GPC3: variants seen among roughly 807,000 people sequenced by gnomAD.
GPC3 encodes glypican 3.
In GPC3, 3 loss-of-function variants were observed where a neutral mutation model predicts 34.4. That is an observed-to-expected ratio of 0.09 (90% CI 0.04 to 0.23). GPC3 has a LOEUF of 0.23. Ranked by LOEUF, GPC3 falls within the 10% of genes least tolerant of loss-of-function variation. GPC3 has a pLI of 1.00. For synonymous variants in GPC3, 177 were observed against 174.0 expected, an observed-to-expected ratio of 1.02 and a Z score of -0.13; for missense variants, 351 against 445.6, an observed-to-expected ratio of 0.79 and a Z score of 1.91.
chrX:133,660,052 A>G (rs1300854328), intron 6 of GPC3, among the ~76,000 whole-genome samples: 5 of 111,982 alleles, frequency 4.5e-5, no homozygotes, highest in African/African-American at 1.6e-4. Flanking sequence ...TGCCATTACC[A>G]TGTGCTCAGC....
At chrX:133,558,912 T>C (rs957364858) in intron 7 of GPC3, among the ~76,000 whole-genome samples, 5 of 105,665 alleles carry the variant, frequency 4.7e-5, no homozygotes, top group Non-Finnish European at 9.7e-5. Flanking sequence ...AGTAAATAAA[T>C]AAATAAATAA....
chrX:133,599,361 G>A (rs2069954858), intron 6 of GPC3, among the ~76,000 whole-genome samples: 1 of 112,148 alleles, frequency 8.9e-6, no homozygotes, highest in Non-Finnish European at 1.9e-5. Context: ...GTACACACCA[G>A]TGATGAATAC....
At chrX:133,980,142 G>A (rs2076532432) in intron 1 of GPC3, among the ~76,000 whole-genome samples, 1 of 112,072 alleles carries the variant, frequency 8.9e-6, no homozygotes, top group Non-Finnish European at 1.9e-5. Context: ...ATTGTTGATC[G>A]TTAATGATAC....
At chrX:133,876,253 C>T (rs2076016802) in intron 2 of GPC3, among the ~76,000 whole-genome samples, 1 of 111,999 alleles carries the variant, frequency 8.9e-6, no homozygotes, top group Non-Finnish European at 1.9e-5. Context: ...ATAACAATGG[C>T]ATTGGCCTAA....
chrX:133,923,735 C>T (rs2076262854), intron 2 of GPC3, among the ~76,000 whole-genome samples: 1 of 112,430 alleles, frequency 8.9e-6, no homozygotes. Flanking sequence ...TGGCCCAGGC[C>T]TACTGTTTAT....
At position 133,823,128 on chromosome X, in the gene GPC3, C is replaced by CAAAAAAAAAAAA. The variant is rs34231185; in HGVS notation, c.338-68964_338-68953dup. On this transcript the variant is annotated intron_variant, in intron 2 of 7. Coordinates refer to ENST00000370818, the MANE Select transcript of GPC3 (RefSeq NM_004484.4). ...TGGGTGACAGAGCAAGACTCCGTCTCAAAAAAAAAAAAAAAAAAAAAAAAA... is the reference window on the plus strand; with the variant it reads ...TGGGTGACAGAGCAAGACTCCGTCTCAAAAAAAAAAAAAAAAAAAAAAAAAAAAAAAAAAAAA... 2.6e-4 allele frequency among the ~76,000 whole-genome samples: 5 copies of CAAAAAAAAAAAA among 18,869 alleles called. 1 individual carries two copies. The highest frequency in any genetic ancestry group is 1.1e-3 in the African/African-American group (5 of 4,643). 16.4% of individuals were successfully genotyped at this position (18,869 alleles called of 115,157 possible).
At chrX:133,710,687 G>A (rs967841360) in intron 3 of GPC3, among the ~76,000 whole-genome samples, 1 of 112,179 alleles carries the variant, frequency 8.9e-6, no homozygotes, top group Non-Finnish European at 1.9e-5. Flanking sequence ...TAGGTGGTAC[G>A]TGACTTTGGC....
chrX:133,908,741 A>T (rs183412252), intron 2 of GPC3, among the ~76,000 whole-genome samples: 48 of 111,519 alleles, frequency 4.3e-4, no homozygotes, highest in Middle Eastern at 4.6e-3. Flanking sequence ...TTAAAAAAAA[A>T]AATAAGCTAC....
intron 1 of GPC3, among the ~76,000 whole-genome samples, chrX:133,957,859 A>T (rs957660471): frequency 4.5e-5 from 5 of 110,663 alleles, no homozygotes; most frequent in Non-Finnish European, 7.6e-5. Context: ...TTTTTTTTGT[A>T]AAAATGGAAT....
chrX:133,601,922 T>G (rs2069986251), intron 6 of GPC3, among the ~76,000 whole-genome samples: 1 of 112,066 alleles, frequency 8.9e-6, no homozygotes, highest in South Asian at 3.7e-4. Context: ...TGGGTAGTTA[T>G]TCAAAGGAAA....
intron 2 of GPC3, among the ~76,000 whole-genome samples, chrX:133,833,382 T>C (rs182771479): frequency 8.9e-6 from 1 of 111,925 alleles, no homozygotes; most frequent in Admixed American, 9.5e-5. Flanking sequence ...AATTTGATAA[T>C]TGAACAGCAG....
intron 7 of GPC3, among the ~76,000 whole-genome samples, chrX:133,575,453 AC>A (rs1295526711): frequency 8.9e-6 from 1 of 112,048 alleles, no homozygotes; most frequent in Non-Finnish European, 1.9e-5. Context: ...TCTCTAACAT[AC>A]CAAAGACCTA....
At chrX:133,945,762 A>AAAAAG (rs1201165000) in intron 2 of GPC3, among the ~76,000 whole-genome samples, 5 of 110,875 alleles carry the variant, frequency 4.5e-5, no homozygotes, top group Non-Finnish European at 7.5e-5. Flanking sequence ...TCAAAAAAAA[A>AAAAAG]AAAAGAAAAG....
At chrX:133,549,053 T>A in intron 7 of GPC3, among the ~76,000 whole-genome samples, 1 of 111,782 alleles carries the variant, frequency 8.9e-6, no homozygotes, top group Middle Eastern at 4.6e-3. Context: ...GAATTGAGAC[T>A]CATTTTCCCT....
At chrX:133,643,831 G>GTTTTTTTTTTTTTTTTTTTTTTTTTT (rs778326133) in intron 6 of GPC3, among the ~76,000 whole-genome samples, 3 of 97,012 alleles carry the variant, frequency 3.1e-5, no homozygotes, top group African/African-American at 1.2e-4. Context: ...TTGTTTTTAT[G>GTTTTTTTTTTTTTTTTTTTTTTTTTT]TTTTTTTTTT....
chrX:133,576,912 G>A (rs1010502522), intron 7 of GPC3, among the ~76,000 whole-genome samples: 2 of 109,954 alleles, frequency 1.8e-5, no homozygotes, highest in Non-Finnish European at 3.8e-5. Flanking sequence ...CATGTTTATG[G>A]GAATGGCATG....
chrX:133,853,063 AGAAAGACACAAG>A, intron 2 of GPC3, among the ~76,000 whole-genome samples: 1 of 105,837 alleles, frequency 9.4e-6, no homozygotes, highest in South Asian at 4.5e-4. Context: ...ATGGAGTATT[AGAAAGACACAAG>A]GAAAAATACA....
intron 7 of GPC3, among the ~76,000 whole-genome samples, chrX:133,548,099 A>C (rs1156483914): frequency 8.9e-6 from 1 of 112,391 alleles, no homozygotes; most frequent in Non-Finnish European, 1.9e-5. Context: ...TCCTTATAAC[A>C]TTTTCAAAAG....
chrX:133,565,812 G>T (rs1275576239), intron 7 of GPC3, among the ~76,000 whole-genome samples: 1 of 112,329 alleles, frequency 8.9e-6, no homozygotes, highest in Non-Finnish European at 1.9e-5. Flanking sequence ...GAAGGAAAAA[G>T]AATTCCTGGG....
Sources: allele counts gnomAD v4.1 joint callset (sites outside exome capture counted in the v4.1 genomes callset), GRCh38; gene constraint gnomAD v4.1.1; transcripts MANE v1.5; gene names NCBI Gene and HGNC (gene_info 2026-07-23, HGNC 2026-07-21).